Variants in IQSEC2 observed in about 807,000 individuals in gnomAD.
The protein encoded by IQSEC2 is IQ motif and SEC7 domain-containing protein 2.
IQSEC2 carries 6 observed loss-of-function variants against 74.6 expected under a neutral mutation model. The observed-to-expected ratio is 0.08, with a 90% CI of 0.04 to 0.16. The LOEUF is 0.16. IQSEC2 is among the 10% of genes least tolerant of loss of function. IQSEC2 has a pLI of 1.00. For missense variants in IQSEC2, 734 were observed against 1,306.2 expected, an observed-to-expected ratio of 0.56 and a Z score of 6.75; for synonymous variants, 494 against 544.5, an observed-to-expected ratio of 0.91 and a Z score of 1.29.
At chrX:53,266,917 T>C in intron 2 of IQSEC2, 1 of 1,050,623 alleles carries the variant, frequency 9.5e-7, no homozygotes, top group East Asian at 3.7e-5. Flanking sequence ...AAGGAGGGGC[T>C]GGTTAAGGCT....
chrX:53,241,947 G>A, intron 9 of IQSEC2, 38 bp from the exon 10 acceptor site: 1 of 1,197,907 alleles, frequency 8.3e-7, no homozygotes, highest in African/African-American at 1.7e-5. Flanking sequence ...AGCAAGGCCA[G>A]CCCATCAGCT....
downstream of IQSEC2, chrX:53,227,586 A>G (rs902386859): frequency 3.2e-6 from 1 of 309,107 alleles, no homozygotes; most frequent in African/African-American, 2.7e-5. Flanking sequence ...CAGCACCCCC[A>G]GGCCACCGTG....
At chrX:53,247,533 A>C (rs1556862322) in intron 7 of IQSEC2, among the ~76,000 whole-genome samples, 1 of 111,895 alleles carries the variant, frequency 8.9e-6, no homozygotes, top group Non-Finnish European at 1.9e-5. Flanking sequence ...GTGGGAAACA[A>C]GTTCTCAGCA....
intron 2 of IQSEC2, among the ~76,000 whole-genome samples, chrX:53,291,389 T>TA (rs782460394): frequency 2.3e-4 from 26 of 112,050 alleles, no homozygotes; most frequent in Non-Finnish European, 4.7e-4. Context: ...AAACTTTTTT[T>TA]ACCAAGCACA....
chrX:53,307,948 A>T (rs1239619260), intron 1 of IQSEC2, among the ~76,000 whole-genome samples: 2 of 106,161 alleles, frequency 1.9e-5, no homozygotes, highest in Non-Finnish European at 3.9e-5. Flanking sequence ...GCACTTTGGG[A>T]GGCTGAGGTG....
intron 1 of IQSEC2, among the ~76,000 whole-genome samples, chrX:53,299,916 A>G (rs1283093950): frequency 9.0e-6 from 1 of 110,585 alleles, no homozygotes; most frequent in East Asian, 2.9e-4. Context: ...ACACCTAGCC[A>G]ATCTTTTGTT....
intron 2 of IQSEC2, among the ~76,000 whole-genome samples, chrX:53,269,441 A>C (rs1556868275): frequency 1.8e-5 from 2 of 110,199 alleles, no homozygotes; most frequent in East Asian, 2.9e-4. Context: ...TCTGGAGCCC[A>C]TCCCCATTAC....
At chrX:53,279,599 C>A in intron 2 of IQSEC2, 1 of 1,204,270 alleles carries the variant, frequency 8.3e-7, no homozygotes, top group Non-Finnish European at 1.1e-6. Flanking sequence ...GGGTAAGCTT[C>A]ATGGAGTCAA....
chrX:53,266,184 C>A (rs1001529377), intron 2 of IQSEC2: 1 of 141,905 alleles, frequency 7.0e-6, no homozygotes, highest in Non-Finnish European at 1.3e-5. Context: ...TATTGAGTGC[C>A]TCCTGGGTGT....
At chrX:53,259,357 T>C (rs1199520856) in intron 2 of IQSEC2, among the ~76,000 whole-genome samples, 2 of 103,646 alleles carry the variant, frequency 1.9e-5, no homozygotes, top group African/African-American at 7.2e-5. Flanking sequence ...TACAAAAAAT[T>C]AGCCAGGTGT....
rs782395332 is a variant in IQSEC2 at position 53,241,772 on chromosome X, C to A, written c.3015+12G>T. On this transcript the variant is annotated intron_variant, in intron 10 of 14. Transcript: ENST00000642864. The stretch of plus-strand genomic sequence containing the variant: ...TCTCTCCCTCCCATCTCCTCCCCCA[C>A]AGTGCTCATACCACAAGGAGATCAT... The A allele has an allele frequency of 7.4e-6, 9 of 1,209,586 alleles. No homozygotes were observed. Among genetic ancestry groups the A allele is most frequent in the Non-Finnish European group, 1.0e-5 (9 of 894,966 alleles).
intron 2 of IQSEC2, among the ~76,000 whole-genome samples, chrX:53,256,978 TGGCGACAGAGCCCAGGC>T (rs1351296074): frequency 2.7e-5 from 3 of 111,082 alleles, no homozygotes; most frequent in African/African-American, 9.9e-5. Flanking sequence ...GGAACCCAGG[TGGCGACAGAGCCCAGGC>T]GCCTTGAGCC....
At chrX:53,292,398 G>A (rs970545849) in intron 1 of IQSEC2, among the ~76,000 whole-genome samples, 5 of 111,997 alleles carry the variant, frequency 4.5e-5, no homozygotes, top group Non-Finnish European at 7.5e-5. Flanking sequence ...CAGTCTCCCC[G>A]TTTGTGACAC....
chrX:53,283,288 T>C (rs2074993773), intron 2 of IQSEC2, among the ~76,000 whole-genome samples: 1 of 112,274 alleles, frequency 8.9e-6, no homozygotes. Flanking sequence ...GTAAGGCCCT[T>C]TCCCTCTCTG....
rs2074129310 is a variant in IQSEC2, at chrX:53,236,351, C to T, written c.3422G>A (p.Ser1141Asn). ...AGDGLKRGAL[S>N]SSLRDLSDAG... is the part of the protein sequence containing the mutation. ...ATCAGAGAGGTCTCGCAGGGAACTGCTGAGTGCGCCCCGTTTGAGCCCATC... is the reference window on the plus strand; with the variant it reads ...ATCAGAGAGGTCTCGCAGGGAACTGTTGAGTGCGCCCCGTTTGAGCCCATC... Residue 1141 changes from serine (S) to asparagine (N), a missense_variant, in exon 13 of 15, where the codon AGC becomes AAC. Physicochemically the swap from Ser to Asn is conservative, Grantham distance 46 (BLOSUM62 1). Coordinates refer to ENST00000642864, the MANE Select transcript of IQSEC2 (RefSeq NM_001111125.3). 1 of 1,208,236 alleles carries T rather than the reference C, an allele frequency of 8.3e-7. No individual in the cohort carries two copies. The highest frequency in any genetic ancestry group is 1.1e-6 in the Non-Finnish European group (1 of 894,094).
chrX:53,240,777 T>C (rs1389632445), intron 10 of IQSEC2, among the ~76,000 whole-genome samples: 1 of 107,587 alleles, frequency 9.3e-6, no homozygotes, highest in Non-Finnish European at 1.9e-5. Flanking sequence ...CAAGCATCTT[T>C]TTTTTTTTTT....
At chrX:53,228,511 G>C (rs2074051889), downstream of IQSEC2, among the ~76,000 whole-genome samples, 1 of 112,016 alleles carries the variant, frequency 8.9e-6, no homozygotes, top group African/African-American at 3.2e-5. Flanking sequence ...GACAGGGTCT[G>C]ACATGGAGTT....
chrX:53,252,557 G>A (rs992281071), intron 4 of IQSEC2, among the ~76,000 whole-genome samples: 4 of 110,947 alleles, frequency 3.6e-5, no homozygotes, highest in African/African-American at 1.3e-4. Flanking sequence ...GGCCCACAGG[G>A]TGAGGCATTG....
intron 2 of IQSEC2, among the ~76,000 whole-genome samples, chrX:53,264,000 CTG>C (rs1290712432): frequency 2.7e-5 from 3 of 112,133 alleles, no homozygotes; most frequent in African/African-American, 9.7e-5. Flanking sequence ...TCACGTGTGT[CTG>C]TGTGTGTGTG....
Sources: gnomAD v4.1 joint callset for allele counts (sites outside exome capture counted in the v4.1 genomes callset) on GRCh38, gnomAD v4.1.1 for gene constraint, MANE v1.5 for transcripts, NCBI Gene and HGNC (gene_info 2026-07-23, HGNC 2026-07-21) for gene names.